EHBP1: variants seen among roughly 807,000 people sequenced by gnomAD.
EHBP1 encodes the protein EH domain-binding protein 1.
A neutral mutation model predicts 144.0 loss-of-function variants in EHBP1; 55 were observed. That is an observed-to-expected ratio of 0.38 (90% CI 0.31 to 0.48). EHBP1 has a LOEUF of 0.48. Among genes scored for constraint, EHBP1 ranks in the 20% least tolerant of loss-of-function variants. The pLI, the probability that EHBP1 is intolerant of heterozygous loss-of-function variation, is 0.98. For synonymous variants in EHBP1, 469 were observed against 472.7 expected (o/e 0.99, Z 0.10); for missense variants, 1,200 against 1,364.2 (o/e 0.88, Z 1.90).
chr2:62,722,373 T>C (rs1369009184), intron 2 of EHBP1, among the ~76,000 whole-genome samples: 1 of 152,150 alleles, frequency 6.6e-6, no homozygotes, highest in Non-Finnish European at 1.5e-5. Context: ...TCCACCTGCC[T>C]TGGCCTCCCA....
chr2:62,950,840 C>G (rs1184789325), intron 13 of EHBP1, among the ~76,000 whole-genome samples: 1 of 152,090 alleles, frequency 6.6e-6, no homozygotes, highest in Non-Finnish European at 1.5e-5. Flanking sequence ...CATGTGCCAC[C>G]ACACCCGGCT....
chr2:62,997,324 G>A (rs569354750), intron 19 of EHBP1, among the ~76,000 whole-genome samples: 61 of 152,094 alleles, frequency 4.0e-4, no homozygotes, highest in Admixed American at 1.2e-3. Flanking sequence ...ATAGGTTAGA[G>A]CACCAAGTTA....
At chr2:62,774,620 T>C (rs1304850385) in intron 5 of EHBP1, among the ~76,000 whole-genome samples, 1 of 152,016 alleles carries the variant, frequency 6.6e-6, no homozygotes, top group African/African-American at 2.4e-5. Context: ...TTGGAAATGG[T>C]GGTGTATAAA....
chr2:63,037,727 G>A, intron 20 of EHBP1, 93 bp downstream of exon 20: 1 of 710,376 alleles, frequency 1.4e-6, no homozygotes, highest in Non-Finnish European at 2.3e-6. Flanking sequence ...TATTTATTCG[G>A]TATTTTCCCT....
intron 5 of EHBP1, among the ~76,000 whole-genome samples, chr2:62,803,812 G>A (rs544033862): frequency 9.9e-5 from 15 of 152,200 alleles, no homozygotes; most frequent in African/African-American, 2.2e-4. Flanking sequence ...TCTTTTATGC[G>A]GTACAGTGTA....
chr2:62,885,104 C>A (rs776724981), intron 10 of EHBP1, among the ~76,000 whole-genome samples: 112 of 152,160 alleles, frequency 7.4e-4, no homozygotes, highest in Non-Finnish European at 1.4e-3. Flanking sequence ...GAACTACACT[C>A]AATGACAACT....
intron 10 of EHBP1, among the ~76,000 whole-genome samples, chr2:62,934,214 G>A (rs1236218899): frequency 6.6e-6 from 1 of 151,944 alleles, no homozygotes; most frequent in African/African-American, 2.4e-5. Flanking sequence ...GCCAATACTT[G>A]GTATTTTTAA....
upstream of EHBP1, chr2:62,705,571 GGA>G (rs2034464849): frequency 6.6e-6 from 1 of 152,090 alleles, no homozygotes; most frequent in Non-Finnish European, 1.5e-5. Flanking sequence ...AGGGCAAGGC[GGA>G]GCCCCTGTGA....
intron 14 of EHBP1, among the ~76,000 whole-genome samples, chr2:62,959,309 C>G (rs571805618): frequency 1.8e-4 from 28 of 152,134 alleles, no homozygotes; most frequent in Non-Finnish European, 3.2e-4. Context: ...CACATCTTGG[C>G]TATTGTGAAT....
chr2:62,951,785 A>C (rs543986488), intron 13 of EHBP1, among the ~76,000 whole-genome samples: 66 of 152,228 alleles, frequency 4.3e-4, no homozygotes, highest in African/African-American at 1.5e-3. Flanking sequence ...TCAGTCTCCC[A>C]AAGTACTGGG....
chr2:62,931,851 C>G (rs958559984), intron 10 of EHBP1, among the ~76,000 whole-genome samples: 1 of 152,086 alleles, frequency 6.6e-6, no homozygotes, highest in Non-Finnish European at 1.5e-5. Flanking sequence ...CAGCTCAATA[C>G]TATCCACAGT....
chr2:62,755,912 A>G (rs78108728), intron 3 of EHBP1, among the ~76,000 whole-genome samples: 3 of 152,164 alleles, frequency 2.0e-5, no homozygotes, highest in African/African-American at 7.2e-5. Flanking sequence ...TTGAAAAAAA[A>G]TTAGATAGCA....
rs10700628 is a variant in EHBP1 at position 62,895,278 on chromosome 2, T to TATCATCATCATCATCATC, written c.1185+20771_1185+20788dup. 4.7e-5 allele frequency among the ~76,000 whole-genome samples: 7 copies of TATCATCATCATCATCATC among 149,686 alleles called. No homozygotes were observed. The East Asian group carries it at 1.4e-3, about 29-fold the overall frequency. On this transcript the variant is annotated intron_variant, in intron 10 of 22. Transcript: ENST00000431489. ...GATGCATTTTACTGTATGTAAATTCTATCATCATCATCATCATCATCATCA... is the reference window on the plus strand; with the variant it reads ...GATGCATTTTACTGTATGTAAATTCTATCATCATCATCATCATCATCATCATCATCATCATCATCATCA...
intron 8 of EHBP1, among the ~76,000 whole-genome samples, chr2:62,861,639 G>C (rs1454838456): frequency 6.6e-6 from 1 of 151,754 alleles, no homozygotes; most frequent in Non-Finnish European, 1.5e-5. Context: ...CTGTTTGGGA[G>C]GCTGAGGCAG....
In EHBP1 at chr2:63,030,734, G is replaced by C. The variant is rs182381668; in HGVS notation, c.3104-6801G>C. Among the ~76,000 whole-genome samples, 451 of 147,130 alleles carry C rather than the reference G, an allele frequency of 3.1e-3. 1 individual carries two copies. Among genetic ancestry groups the C allele is most frequent in the African/African-American group, 0.01 (410 of 39,566 alleles). ...TCTTGATTTTGTGATCTAATGATCT[G>C]CCTGCCTCGGCATCCCAAAGTGCTG... On this transcript the variant is annotated intron_variant, in intron 19 of 22. Transcript: ENST00000431489.
intron 18 of EHBP1, 184 bp downstream of exon 18, chr2:62,994,161 A>T (rs563150153): frequency 1.7e-4 from 58 of 332,298 alleles, no homozygotes; most frequent in Middle Eastern, 1.7e-3. Context: ...ATTGTCAGAT[A>T]AAAAAAAATG....
chr2:62,861,639 G>A (rs1454838456), intron 8 of EHBP1, among the ~76,000 whole-genome samples: 4 of 151,754 alleles, frequency 2.6e-5, no homozygotes, highest in Non-Finnish European at 5.9e-5. Context: ...CTGTTTGGGA[G>A]GCTGAGGCAG....
rs59916252 is a variant in EHBP1, at chr2:62,880,346, GAA to G, written c.1185+5827_1185+5828del. ...TGACAAAAACTCCAGTAGCAATTGT[GAA>G]AAAAAAAAAAAAGAAAATTGATAAA... On this transcript the variant is annotated intron_variant, in intron 10 of 22. Transcript: ENST00000431489. Among the ~76,000 whole-genome samples, 219 of 133,766 alleles carry G rather than the reference GAA, an allele frequency of 1.6e-3. 1 individual carries two copies. Among genetic ancestry groups the G allele is most frequent in the African/African-American group, 4.7e-3 (173 of 36,672 alleles). 87.8% of individuals were successfully genotyped at this position (133,766 alleles called of 152,430 possible).
chr2:62,861,327 G>C (rs547798513), intron 8 of EHBP1, among the ~76,000 whole-genome samples: 1 of 151,194 alleles, frequency 6.6e-6, no homozygotes, highest in Non-Finnish European at 1.5e-5. Context: ...ATGAGGTTTC[G>C]CCATGTCGGC....
Sources: allele counts gnomAD v4.1 joint callset (sites outside exome capture counted in the v4.1 genomes callset), GRCh38; gene constraint gnomAD v4.1.1; transcripts MANE v1.5; gene names NCBI Gene and HGNC (gene_info 2026-07-23, HGNC 2026-07-21).